The following AMPH variants were observed in gnomAD, a reference collection of about 807,000 sequenced individuals.
AMPH encodes the protein amphiphysin (Stiff-Mann syndrome with breast cancer 128kD autoantigen).
A neutral mutation model predicts 99.1 loss-of-function variants in AMPH; 49 were observed. That is an observed-to-expected ratio of 0.49 (90% CI 0.39 to 0.63). The LOEUF is 0.63. AMPH is among the 20% of genes least tolerant of loss of function. The pLI, the probability that AMPH is intolerant of heterozygous loss-of-function variation, is 0.00. For missense variants in AMPH, 759 were observed against 863.4 expected, an observed-to-expected ratio of 0.88 and a Z score of 1.52; for synonymous variants, 314 against 317.3, an observed-to-expected ratio of 0.99 and a Z score of 0.11.
intron 19 of AMPH, among the ~76,000 whole-genome samples, chr7:38,390,997 GAGAGAGAGAGAGAGAGA>G (rs1562721071): frequency 0.028 from 2,498 of 88,202 alleles, 44 homozygotes; most frequent in Middle Eastern, 0.068. Flanking sequence ...GAGAGAGAGA[GAGAGAGAGAGAGAGAGA>G]GAATGATACA....
At chr7:38,603,829 T>C (rs113831796) in intron 1 of AMPH, among the ~76,000 whole-genome samples, 5 of 152,310 alleles carry the variant, frequency 3.3e-5, no homozygotes, top group Admixed American at 2.6e-4. Flanking sequence ...GAGTGGACAA[T>C]GCTACCAATC....
Position 38,389,684 on chromosome 7 carries a change from C to A in AMPH, c.1980+120G>T. 1.6e-5 allele frequency: 13 copies of A among 808,328 alleles called. No individual in the cohort carries two copies. The South Asian group carries it at 2.1e-4, about 13-fold the overall frequency. The allele number at this position is 808,328 out of a possible 1,614,324, so 50.1% of individuals were successfully genotyped here. ...CTATGCTGTCACAAGCCCTTAAGCC[C>A]TTTTCAGATGGCTTGTAGCATCTCA... On this transcript the variant is annotated intron_variant, in intron 20 of 20. Transcript: ENST00000356264.
chr7:38,525,159 GTATATA>G (rs147443910), intron 2 of AMPH, among the ~76,000 whole-genome samples: 1 of 147,076 alleles, frequency 6.8e-6, no homozygotes, highest in Non-Finnish European at 1.5e-5. Context: ...TTACTTGTGT[GTATATA>G]TATATATAGT....
intron 1 of AMPH, among the ~76,000 whole-genome samples, chr7:38,578,945 G>A (rs1239758520): frequency 6.6e-6 from 1 of 152,128 alleles, no homozygotes; most frequent in Non-Finnish European, 1.5e-5. Flanking sequence ...CTTTGAATCT[G>A]TTGAGATATT....
At chr7:38,596,813 A>C (rs187511879) in intron 1 of AMPH, among the ~76,000 whole-genome samples, 1 of 152,210 alleles carries the variant, frequency 6.6e-6, no homozygotes, top group East Asian at 1.9e-4. Flanking sequence ...CCTTCAGGCC[A>C]CTGCCAGCAC....
intron 1 of AMPH, among the ~76,000 whole-genome samples, chr7:38,617,289 G>T (rs1308906270): frequency 1.3e-5 from 2 of 152,204 alleles, no homozygotes; most frequent in Admixed American, 6.5e-5. Flanking sequence ...CTGATAGAGG[G>T]TTCCTCTCAT....
rs541190523 is a variant in AMPH at position 38,501,403 on chromosome 7, T to C, written c.205+2247A>G. ...TTTTGCCATGTTGCCCAGGCTCATC[T>C]TGAACTCCTGGCCTAAAGTGATCCA... On this transcript the variant is annotated intron_variant, in intron 3 of 20. Transcript: ENST00000356264. Among the ~76,000 whole-genome samples the C allele has an allele frequency of 4.9e-4, 75 of 152,280 alleles. 1 individual carries two copies. The highest frequency in any genetic ancestry group is 1.4e-3 in the African/African-American group (58 of 41,546).
chr7:38,614,444 T>C (rs767012171), intron 1 of AMPH, among the ~76,000 whole-genome samples: 2 of 152,150 alleles, frequency 1.3e-5, no homozygotes, highest in Non-Finnish European at 2.9e-5. Context: ...ATTCTTGGCA[T>C]ATGGAAGTTG....
At chr7:38,447,528 C>T (rs1277447608) in intron 11 of AMPH, among the ~76,000 whole-genome samples, 1 of 151,970 alleles carries the variant, frequency 6.6e-6, no homozygotes. Context: ...ATAACTATAG[C>T]CATAAAACAT....
intron 2 of AMPH, among the ~76,000 whole-genome samples, chr7:38,505,807 A>G (rs1414551988): frequency 6.6e-6 from 1 of 152,140 alleles, no homozygotes. Flanking sequence ...TCTTTCCCCT[A>G]CTAAATATCC....
At chr7:38,542,541 C>T (rs1199250418) in intron 1 of AMPH, among the ~76,000 whole-genome samples, 1 of 152,174 alleles carries the variant, frequency 6.6e-6, no homozygotes, top group Non-Finnish European at 1.5e-5. Context: ...TGTAAACATA[C>T]GTGACCACAA....
chr7:38,603,723 C>T (rs1379430576), intron 1 of AMPH, among the ~76,000 whole-genome samples: 1 of 152,132 alleles, frequency 6.6e-6, no homozygotes, highest in Non-Finnish European at 1.5e-5. Flanking sequence ...TTGTCAGATC[C>T]AGTAGACCAA....
At chr7:38,415,059 T>C (rs1785329712) in intron 17 of AMPH, among the ~76,000 whole-genome samples, 1 of 152,104 alleles carries the variant, frequency 6.6e-6, no homozygotes, top group Non-Finnish European at 1.5e-5. Flanking sequence ...TTTAAATGCA[T>C]CCTGTAGACA....
Position 38,383,764 on chromosome 7 carries a change from A to T in AMPH, c.*1054T>A, listed in dbSNP as rs1584019223. The T allele has an allele frequency of 2.0e-5, 3 of 152,652 alleles. No individual in the cohort carries two copies. The highest frequency in any genetic ancestry group is 7.2e-5 in the African/African-American group (3 of 41,524). 9.5% of individuals were successfully genotyped at this position (152,652 alleles called of 1,614,324 possible). A position where few individuals can be genotyped will look rare whatever the true frequency, so the allele number is the denominator to read the frequency against. On this transcript the variant is annotated 3_prime_UTR_variant, in exon 21 of 21. Coordinates refer to ENST00000356264, the MANE Select transcript of AMPH (RefSeq NM_001635.4). ...TGGAATGACACAGCACTGAAAACATAATTGTTACAGATGATTTGTGGATAC... is the reference window on the plus strand; with the variant it reads ...TGGAATGACACAGCACTGAAAACATTATTGTTACAGATGATTTGTGGATAC...
At position 38,475,368 on chromosome 7, in the gene AMPH, C is replaced by T. The variant is rs138907301; in HGVS notation, c.553G>A (p.Val185Ile). 449 of 1,613,152 alleles carry T rather than the reference C, an allele frequency of 2.8e-4. 7 individuals are homozygous for T. The South Asian group carries it at 3.9e-3, about 14-fold the overall frequency. ...KAQKVFEEFNVDLQEELPSLW... is the reference protein window; with the variant it reads ...KAQKVFEEFNIDLQEELPSLW... ...GATGGTAACTCTTCTTGTAAGTCAACGTTAAACTCTTCAAACACTTTCTGT... is the reference window on the plus strand; with the variant it reads ...GATGGTAACTCTTCTTGTAAGTCAATGTTAAACTCTTCAAACACTTTCTGT... The change falls in exon 7 of 21, where the codon GTT (valine) becomes ATT (isoleucine). Residue 185 changes from valine to isoleucine, a missense_variant. This residue lies in a region of AMPH where 205 missense variants were observed against 287.9 expected (regional missense o/e 0.71). Coordinates refer to ENST00000356264, the MANE Select transcript of AMPH (RefSeq NM_001635.4).
At chr7:38,417,155 T>C (rs998841384) in intron 17 of AMPH, among the ~76,000 whole-genome samples, 1 of 152,214 alleles carries the variant, frequency 6.6e-6, no homozygotes. Context: ...GGTATTACAA[T>C]GTCCAATTCT....
intron 18 of AMPH, 149 bp downstream of exon 18, chr7:38,393,856 G>T: frequency 1.4e-6 from 1 of 728,274 alleles, no homozygotes; most frequent in South Asian, 1.8e-5. Context: ...GTCTTTCTGA[G>T]AATCTGATAA....
chr7:38,464,188 T>A (rs1787563812), intron 9 of AMPH: 1 of 1,205,528 alleles, frequency 8.3e-7, no homozygotes, highest in East Asian at 5.7e-5. Flanking sequence ...TTGGCAACAT[T>A]ACAATTTTCA....
intron 2 of AMPH, among the ~76,000 whole-genome samples, chr7:38,526,496 G>A (rs56795297): frequency 5.6e-5 from 7 of 126,070 alleles, no homozygotes; most frequent in South Asian, 2.6e-4. Flanking sequence ...GGTTGGTTTC[G>A]AACTCCTGAC....
Sources: allele counts gnomAD v4.1 joint callset (sites outside exome capture counted in the v4.1 genomes callset), GRCh38; gene constraint gnomAD v4.1.1; regional missense constraint gnomAD v4.1.1; transcripts MANE v1.5; gene names NCBI Gene and HGNC (gene_info 2026-07-23, HGNC 2026-07-21).